The following PDZRN4 variants were observed in gnomAD, a reference collection of about 807,000 sequenced individuals.
PDZRN4 encodes PDZ domain containing ring finger 4.
A neutral mutation model predicts 99.0 loss-of-function variants in PDZRN4; 70 were observed. That is an observed-to-expected ratio of 0.71 (90% confidence interval 0.58 to 0.86). The LOEUF (loss-of-function observed/expected upper bound fraction) is 0.86, where lower values mean the gene tolerates loss of function less well. Among genes scored for constraint, PDZRN4 ranks in the 40% least tolerant of loss-of-function variants. PDZRN4 has a pLI of 0.00. For missense variants in PDZRN4, 1,474 were observed against 1,331.2 expected (o/e 1.11, Z -1.67); for synonymous variants, 551 against 501.6 (o/e 1.10, Z -1.32).
In PDZRN4 at chr12:41,474,753, T is replaced by C. The variant is rs556859296; in HGVS notation, c.844-31703T>C. 1.6e-4 allele frequency among the ~76,000 whole-genome samples: 24 copies of C among 152,200 alleles called. No individual in the cohort carries two copies. The South Asian group carries it at 4.6e-3, about 29-fold the overall frequency. On this transcript the variant is annotated intron_variant, in intron 3 of 9. Transcript: ENST00000402685. ...GACTGAGGCCTGGATTAGGGCAGAA[T>C]TGGTGAGGACACAGAAAAAAACTGT... is the stretch of plus-strand genomic sequence containing the variant.
chr12:41,416,609 A>T (rs538692547), intron 3 of PDZRN4, among the ~76,000 whole-genome samples: 5 of 152,324 alleles, frequency 3.3e-5, no homozygotes, highest in South Asian at 4.1e-4. Context: ...GTGAGCAGAG[A>T]TCGCACCAAT....
At chr12:41,407,428 C>T (rs552360876) in intron 3 of PDZRN4, among the ~76,000 whole-genome samples, 1 of 152,218 alleles carries the variant, frequency 6.6e-6, no homozygotes, top group South Asian at 2.1e-4. Context: ...GCTGGATAAC[C>T]CATTTGGGAA....
At chr12:41,377,153 AG>A (rs1261068206) in intron 3 of PDZRN4, among the ~76,000 whole-genome samples, 2 of 152,192 alleles carry the variant, frequency 1.3e-5, no homozygotes, top group Admixed American at 1.3e-4. Context: ...GTTTGAAATC[AG>A]GAAGTGTGAT....
At chr12:41,272,395 TCAC>T (rs1951320157) in intron 3 of PDZRN4, among the ~76,000 whole-genome samples, 1 of 152,078 alleles carries the variant, frequency 6.6e-6, no homozygotes, top group Non-Finnish European at 1.5e-5. Context: ...GAAATATACT[TCAC>T]AGACCAAATA....
chr12:41,393,027 C>T (rs1231988238), intron 3 of PDZRN4, among the ~76,000 whole-genome samples: 1 of 152,152 alleles, frequency 6.6e-6, no homozygotes, highest in Non-Finnish European at 1.5e-5. Flanking sequence ...AGCATGATAA[C>T]ACTGTATAAG....
chr12:41,570,151 C>G (rs1413704808), intron 9 of PDZRN4, among the ~76,000 whole-genome samples: 1 of 152,046 alleles, frequency 6.6e-6, no homozygotes, highest in African/African-American at 2.4e-5. Flanking sequence ...CACTAGATGC[C>G]TCTGAGGTTA....
chr12:41,498,649 T>A (rs974423758), intron 3 of PDZRN4, among the ~76,000 whole-genome samples: 1 of 152,134 alleles, frequency 6.6e-6, no homozygotes, highest in African/African-American at 2.4e-5. Context: ...ATCTCAACAC[T>A]GTTGCATTGG....
At chr12:41,561,080 A>G (rs1939261689) in intron 7 of PDZRN4, among the ~76,000 whole-genome samples, 3 of 152,206 alleles carry the variant, frequency 2.0e-5, no homozygotes, top group Admixed American at 1.3e-4. Flanking sequence ...AGCTCTGGTC[A>G]TAATGAGTTC....
chr12:41,465,337 T>C (rs2250003), intron 3 of PDZRN4, among the ~76,000 whole-genome samples: 82,850 of 152,034 alleles, frequency 0.54, 23,589 homozygotes, highest in African/African-American at 0.73. Flanking sequence ...CTAAACACAT[T>C]AGTGAACAAC....
chr12:41,234,553 A>G (rs1951052598), intron 3 of PDZRN4, among the ~76,000 whole-genome samples: 1 of 152,140 alleles, frequency 6.6e-6, no homozygotes, highest in African/African-American at 2.4e-5. Flanking sequence ...AGACTGTTTA[A>G]TGATGGTTTC....
At chr12:41,293,931 A>G (rs1024974053) in intron 3 of PDZRN4, among the ~76,000 whole-genome samples, 1 of 152,208 alleles carries the variant, frequency 6.6e-6, no homozygotes, top group African/African-American at 2.4e-5. Context: ...AATAAGCAAG[A>G]ATCTGTCTTC....
In PDZRN4 at chr12:41,465,832, T is replaced by C. The variant is rs139960666; in HGVS notation, c.844-40624T>C. On this transcript the variant is annotated intron_variant, in intron 3 of 9. Coordinates refer to ENST00000402685, the MANE Select transcript of PDZRN4 (RefSeq NM_001164595.2). ...ATAGAGTTTCACCCAGTGATACTTATATAACTTAAGTTATAATGCCACAGT... is the reference window on the plus strand; with the variant it reads ...ATAGAGTTTCACCCAGTGATACTTACATAACTTAAGTTATAATGCCACAGT... 2.6e-4 allele frequency among the ~76,000 whole-genome samples: 40 copies of C among 152,376 alleles called. 1 individual carries two copies. The East Asian group carries it at 5.4e-3, about 21-fold the overall frequency.
intron 3 of PDZRN4, among the ~76,000 whole-genome samples, chr12:41,423,319 C>A (rs1952507339): frequency 1.3e-5 from 2 of 151,962 alleles, no homozygotes; most frequent in African/African-American, 4.8e-5. Flanking sequence ...TGACAGGCCC[C>A]AGTGTGTGAT....
chr12:41,434,608 T>C (rs889936327), intron 3 of PDZRN4, among the ~76,000 whole-genome samples: 4 of 152,208 alleles, frequency 2.6e-5, no homozygotes, highest in Non-Finnish European at 5.9e-5. Context: ...ACTTGCCAGT[T>C]TAGCCTCTTA....
At chr12:41,388,397 A>T (rs1368630229) in intron 3 of PDZRN4, among the ~76,000 whole-genome samples, 1 of 152,102 alleles carries the variant, frequency 6.6e-6, no homozygotes, top group Admixed American at 6.6e-5. Flanking sequence ...TTAAAAAAAA[A>T]AAAGGAAAGT....
At chr12:41,478,336 CAGCTCCTGACCTCA>C (rs1231470646) in intron 3 of PDZRN4, among the ~76,000 whole-genome samples, 1 of 151,996 alleles carries the variant, frequency 6.6e-6, no homozygotes, top group Non-Finnish European at 1.5e-5. Flanking sequence ...GGCTGATCTC[CAGCTCCTGACCTCA>C]GGTGATCCGC....
chr12:41,530,933 C>T (rs1938649953), intron 5 of PDZRN4, among the ~76,000 whole-genome samples: 1 of 152,064 alleles, frequency 6.6e-6, no homozygotes, highest in African/African-American at 2.4e-5. Context: ...CTGCTCAAAC[C>T]CCTAGGGTAG....
intron 8 of PDZRN4, among the ~76,000 whole-genome samples, chr12:41,566,370 C>T (rs974476260): frequency 2.0e-5 from 3 of 152,052 alleles, no homozygotes; most frequent in Non-Finnish European, 4.4e-5. Context: ...TGATGTCTGG[C>T]ATTTGTAGCT....
At chr12:41,557,443 A>G (rs1265189390) in intron 7 of PDZRN4, among the ~76,000 whole-genome samples, 1 of 152,130 alleles carries the variant, frequency 6.6e-6, no homozygotes, top group Non-Finnish European at 1.5e-5. Flanking sequence ...CAGGGTTTCA[A>G]AAATAGACAA....
Sources: allele counts gnomAD v4.1 joint callset (sites outside exome capture counted in the v4.1 genomes callset), GRCh38; gene constraint gnomAD v4.1.1; transcripts MANE v1.5; gene names NCBI Gene and HGNC (gene_info 2026-07-23, HGNC 2026-07-21).